Variants in RANBP2 observed in about 807,000 individuals in gnomAD.
RANBP2 encodes the protein RAN binding protein 2, also known as E3 SUMO-protein ligase RanBP2.
RANBP2 carries 57 observed loss-of-function variants against 303.6 expected under a neutral mutation model. That is an observed-to-expected ratio of 0.19 (90% CI 0.15 to 0.23). RANBP2 has a LOEUF of 0.23. Among genes scored for constraint, RANBP2 ranks in the 10% least tolerant of loss-of-function variants. The pLI, the probability that RANBP2 is intolerant of heterozygous loss-of-function variation, is 1.00. For synonymous variants in RANBP2, 1,167 were observed against 1,301.5 expected (o/e 0.90, Z 2.23); for missense variants, 3,138 against 3,780.8 (o/e 0.83, Z 4.46).
the RANBP2 span, among the ~76,000 whole-genome samples, chr2:109,508,799 G>A: frequency 6.6e-6 from 1 of 152,168 alleles, no homozygotes; most frequent in Non-Finnish European, 1.5e-5. Flanking sequence ...GATAAGGCAT[G>A]AAAGGAGAGA....
At chr2:109,478,068 C>T in the RANBP2 span, among the ~76,000 whole-genome samples, 1 of 152,212 alleles carries the variant, frequency 6.6e-6, no homozygotes, top group East Asian at 1.9e-4. Flanking sequence ...CCCTGAGTGT[C>T]CCATCCACCA....
In RANBP2 at chr2:108,766,620, A is replaced by G; in HGVS notation, c.6081A>G (p.Thr2027=). The change falls in exon 20 of 29, where the codon ACA becomes ACG. Residue 2027 remains threonine, a synonymous_variant. Coordinates refer to ENST00000283195, the MANE Select transcript of RANBP2 (RefSeq NM_006267.5). ...TGCCCGAAAAAGTAGAACTTGTAAC[A>G]GGAGAAGAAGATGAAAAAGTTCTGT... ...VQMPEKVELV[T]GEEDEKVLYS... The G allele has an allele frequency of 1.2e-6, 2 of 1,612,028 alleles. No homozygotes were observed. The highest frequency in any genetic ancestry group is 1.7e-6 in the Non-Finnish European group (2 of 1,179,844).
At chr2:108,932,230 ATAAAT>A in the RANBP2 span, among the ~76,000 whole-genome samples, 1 of 152,172 alleles carries the variant, frequency 6.6e-6, no homozygotes, top group African/African-American at 2.4e-5. Context: ...ATTATTGGAA[ATAAAT>A]TAAGTTGGAG....
At chr2:108,834,713 AT>A in the RANBP2 span, among the ~76,000 whole-genome samples, 1 of 152,192 alleles carries the variant, frequency 6.6e-6, no homozygotes, top group Admixed American at 6.5e-5. Flanking sequence ...AGAATTTTTC[AT>A]TATCTGAAAC....
chr2:108,849,141 G>C, the RANBP2 span, among the ~76,000 whole-genome samples: 1 of 151,906 alleles, frequency 6.6e-6, no homozygotes, highest in East Asian at 1.9e-4. Context: ...AGTGAACTGG[G>C]ATACATAGCA....
At chr2:108,746,921 A>G in intron 8 of RANBP2, 123 bp downstream of exon 8, 1 of 1,092,212 alleles carries the variant, frequency 9.2e-7, no homozygotes, top group Non-Finnish European at 1.3e-6. Flanking sequence ...TTTTTGCCGT[A>G]TCAGTTAAGA....
At chr2:109,291,417 C>A in the RANBP2 span, among the ~76,000 whole-genome samples, 1 of 151,946 alleles carries the variant, frequency 6.6e-6, no homozygotes, top group Non-Finnish European at 1.5e-5. Context: ...CATCTCAGTT[C>A]CTGCAATCTC....
the RANBP2 span, among the ~76,000 whole-genome samples, chr2:109,228,075 T>C: frequency 6.6e-6 from 1 of 152,124 alleles, no homozygotes; most frequent in Non-Finnish European, 1.5e-5. Flanking sequence ...GAGTGTCTGG[T>C]TTGGTACTTT....
At chr2:109,234,301 A>G in the RANBP2 span, among the ~76,000 whole-genome samples, 1 of 152,238 alleles carries the variant, frequency 6.6e-6, no homozygotes, top group South Asian at 2.1e-4. Context: ...CAGTTCATAT[A>G]GGAAAACTTT....
At chr2:109,328,953 A>AG in the RANBP2 span, among the ~76,000 whole-genome samples, 10 of 152,144 alleles carry the variant, frequency 6.6e-5, no homozygotes, top group African/African-American at 2.4e-4. Context: ...GGTCATGACA[A>AG]GCTTGGCCAC....
chr2:109,421,811 A>G, the RANBP2 span, among the ~76,000 whole-genome samples: 1 of 152,226 alleles, frequency 6.6e-6, no homozygotes, highest in African/African-American at 2.4e-5. Flanking sequence ...GAGCTGGATC[A>G]TGGTCAGCAT....
At chr2:109,243,813 G>A in the RANBP2 span, among the ~76,000 whole-genome samples, 1 of 152,212 alleles carries the variant, frequency 6.6e-6, no homozygotes, top group Non-Finnish European at 1.5e-5. Context: ...GCGTTGGGAA[G>A]CCATTGAAAG....
chr2:109,666,282 CCCATTGTCCAGCGTGTGGTG>C, the RANBP2 span, among the ~76,000 whole-genome samples: 1 of 152,042 alleles, frequency 6.6e-6, no homozygotes, highest in Non-Finnish European at 1.5e-5. Flanking sequence ...GGATGTGGTG[CCCATTGTCCAGCGTGTGGTG>C]CCACTTTTTT....
intron 26 of RANBP2, among the ~76,000 whole-genome samples, 157 bp downstream of exon 26, chr2:108,781,586 A>G (rs1024533230): frequency 6.6e-6 from 1 of 152,184 alleles, no homozygotes; most frequent in Non-Finnish European, 1.5e-5. Context: ...TTAAGTATAA[A>G]TTATCTTTTT....
chr2:108,867,457 T>G, the RANBP2 span, among the ~76,000 whole-genome samples: 1 of 152,222 alleles, frequency 6.6e-6, no homozygotes, highest in Non-Finnish European at 1.5e-5. Flanking sequence ...CTAGGAAGTT[T>G]ACCTGGGGAG....
chr2:108,899,674 T>G, the RANBP2 span, among the ~76,000 whole-genome samples: 2 of 152,162 alleles, frequency 1.3e-5, no homozygotes, highest in Admixed American at 6.6e-5. Context: ...TTATACTTCA[T>G]TCAAACTGGC....
the RANBP2 span, among the ~76,000 whole-genome samples, chr2:109,079,317 T>C: frequency 6.6e-6 from 1 of 152,200 alleles, no homozygotes; most frequent in Non-Finnish European, 1.5e-5. Context: ...CAGTACTCAA[T>C]ACACGTAAGA....
At chr2:109,138,243 G>A in the RANBP2 span, among the ~76,000 whole-genome samples, 1 of 152,160 alleles carries the variant, frequency 6.6e-6, no homozygotes, top group Non-Finnish European at 1.5e-5. Context: ...TGGCCAGGCT[G>A]GCCTCGAACT....
At position 108,767,216 on chromosome 2, in the gene RANBP2, A is replaced by G. The variant is rs1368344137; in HGVS notation, c.6677A>G (p.Asn2226Ser). Residue 2226 changes from asparagine to serine, a missense_variant, in exon 20 of 29, where the codon AAC (asparagine) becomes AGC (serine). Asn to Ser is a conservative substitution (Grantham distance 46, BLOSUM62 1). Transcript: ENST00000283195. ...ENTGPTLEWDNYDLREDALDD... is the reference protein window; with the variant it reads ...ENTGPTLEWDSYDLREDALDD... ...ACTGGGCCCACATTAGAATGGGATAACTATGATTTAAGGGAAGATGCTTTG... is the reference window on the plus strand; with the variant it reads ...ACTGGGCCCACATTAGAATGGGATAGCTATGATTTAAGGGAAGATGCTTTG... The G allele has an allele frequency of 3.1e-6, 5 of 1,611,954 alleles. No individual in the cohort carries two copies. Among genetic ancestry groups the G allele is most frequent in the Admixed American group, 1.7e-5 (1 of 59,992 alleles).
Sources: allele counts gnomAD v4.1 joint callset (sites outside exome capture counted in the v4.1 genomes callset), GRCh38; gene constraint gnomAD v4.1.1; transcripts MANE v1.5; gene names NCBI Gene and HGNC (gene_info 2026-07-23, HGNC 2026-07-21).